SSH2: variants seen among roughly 807,000 people sequenced by gnomAD.
The protein encoded by SSH2 is slingshot protein phosphatase 2.
In SSH2, 37 loss-of-function variants were observed where a neutral mutation model predicts 135.2. That is an observed-to-expected ratio of 0.27 (90% CI 0.21 to 0.36). The LOEUF is 0.36. SSH2 is among the 10% of genes least tolerant of loss of function. The pLI is 1.00. For synonymous variants in SSH2, 628 were observed against 646.2 expected, an observed-to-expected ratio of 0.97 and a Z score of 0.43; for missense variants, 1,408 against 1,765.3, an observed-to-expected ratio of 0.80 and a Z score of 3.63.
intron 2 of SSH2, among the ~76,000 whole-genome samples, chr17:29,831,839 A>C (rs1029629977): frequency 1.3e-5 from 2 of 152,118 alleles, no homozygotes; most frequent in South Asian, 4.2e-4. Flanking sequence ...TCGGCCTCCC[A>C]AAGTGCTGAG....
intron 1 of SSH2, among the ~76,000 whole-genome samples, chr17:29,881,946 C>T (rs989941333): frequency 2.1e-4 from 32 of 152,230 alleles, no homozygotes; most frequent in Admixed American, 2.0e-3. Context: ...AACAAACAAA[C>T]AAACAAACAT....
intron 6 of SSH2, among the ~76,000 whole-genome samples, chr17:29,680,931 G>C (rs900206165): frequency 6.6e-6 from 1 of 152,138 alleles, no homozygotes; most frequent in Non-Finnish European, 1.5e-5. Flanking sequence ...AGCTGCAAAA[G>C]AGTGTGATCT....
At chr17:29,692,159 T>TA (rs2038510602) in intron 5 of SSH2, among the ~76,000 whole-genome samples, 1 of 96,706 alleles carries the variant, frequency 1.0e-5, no homozygotes, top group African/African-American at 4.3e-5. Context: ...AATAAATAAA[T>TA]AAAAAATAAA....
At chr17:29,908,017 T>G (rs889073802) in intron 1 of SSH2, among the ~76,000 whole-genome samples, 2 of 151,928 alleles carry the variant, frequency 1.3e-5, no homozygotes, top group Non-Finnish European at 2.9e-5. Flanking sequence ...GGTCTCACTA[T>G]GTTGCCCAGG....
chr17:29,882,757 T>C (rs1197378699), intron 1 of SSH2, among the ~76,000 whole-genome samples: 2 of 151,894 alleles, frequency 1.3e-5, no homozygotes, highest in Admixed American at 6.6e-5. Context: ...ATCTCAAAAA[T>C]AACAAATAAA....
At chr17:29,712,777 C>T (rs992152224) in intron 3 of SSH2, among the ~76,000 whole-genome samples, 1 of 152,104 alleles carries the variant, frequency 6.6e-6, no homozygotes, top group Admixed American at 6.5e-5. Context: ...GTACTCCAGC[C>T]TGGGTGACAG....
chr17:29,651,917 C>T (rs556147130), intron 12 of SSH2, among the ~76,000 whole-genome samples: 4 of 152,152 alleles, frequency 2.6e-5, no homozygotes, highest in African/African-American at 9.6e-5. Context: ...CCGAGGTGGG[C>T]GGATCACCAG....
intron 1 of SSH2, among the ~76,000 whole-genome samples, chr17:29,914,881 C>T (rs917357440): frequency 6.6e-6 from 1 of 152,150 alleles, no homozygotes; most frequent in African/African-American, 2.4e-5. Flanking sequence ...TACAACTTCT[C>T]ATAAAATAAC....
chr17:29,790,437 A>G (rs2042044066), intron 3 of SSH2, among the ~76,000 whole-genome samples: 1 of 152,210 alleles, frequency 6.6e-6, no homozygotes, highest in Non-Finnish European at 1.5e-5. Flanking sequence ...CAGGACTGTG[A>G]GAAATAAATG....
intron 3 of SSH2, among the ~76,000 whole-genome samples, chr17:29,742,079 C>T (rs985515650): frequency 6.6e-6 from 1 of 151,356 alleles, no homozygotes; most frequent in Non-Finnish European, 1.5e-5. Flanking sequence ...GGATTACAAG[C>T]GTGTGCCACC....
chr17:29,917,546 G>A (rs961202157), intron 1 of SSH2, among the ~76,000 whole-genome samples: 2 of 152,116 alleles, frequency 1.3e-5, no homozygotes, highest in African/African-American at 4.8e-5. Context: ...CTGCTGAACT[G>A]CCTTCATATC....
At chr17:29,887,848 G>A (rs1342878881) in intron 1 of SSH2, among the ~76,000 whole-genome samples, 1 of 152,190 alleles carries the variant, frequency 6.6e-6, no homozygotes, top group Admixed American at 6.5e-5. Context: ...AATTTAATGT[G>A]AAGAAAACAT....
chr17:29,813,399 C>T (rs953839904), intron 2 of SSH2, among the ~76,000 whole-genome samples: 3 of 151,574 alleles, frequency 2.0e-5, no homozygotes, highest in African/African-American at 7.3e-5. Context: ...AGACTAGAAG[C>T]AGATAATTCA....
At chr17:29,901,359 C>G (rs551882921) in intron 1 of SSH2, among the ~76,000 whole-genome samples, 2 of 152,202 alleles carry the variant, frequency 1.3e-5, no homozygotes, top group East Asian at 3.9e-4. Context: ...AATTCAATCA[C>G]TATCAAGATA....
intron 2 of SSH2, among the ~76,000 whole-genome samples, chr17:29,795,276 C>G (rs2042137407): frequency 6.6e-6 from 1 of 152,192 alleles, no homozygotes; most frequent in Admixed American, 6.5e-5. Flanking sequence ...TCTGATAAGA[C>G]TGAAAAAGAA....
At chr17:29,819,206 C>T (rs890949978) in intron 2 of SSH2, among the ~76,000 whole-genome samples, 1 of 152,028 alleles carries the variant, frequency 6.6e-6, no homozygotes, top group African/African-American at 2.4e-5. Flanking sequence ...AAAGCACCAG[C>T]AATTTCATAA....
At chr17:29,874,754 A>G (rs569268527) in intron 1 of SSH2, among the ~76,000 whole-genome samples, 5 of 152,320 alleles carry the variant, frequency 3.3e-5, no homozygotes, top group South Asian at 4.1e-4. Flanking sequence ...TACTTTAATT[A>G]TTTACAAATA....
chr17:29,891,161 C>G (rs1022083356), intron 1 of SSH2, among the ~76,000 whole-genome samples: 1 of 152,182 alleles, frequency 6.6e-6, no homozygotes, highest in Non-Finnish European at 1.5e-5. Context: ...TAAGGACCAG[C>G]CTGGATCAGG....
intron 6 of SSH2, among the ~76,000 whole-genome samples, chr17:29,678,709 A>ATTTT (rs1555610338): frequency 1.9e-5 from 1 of 52,090 alleles, no homozygotes; most frequent in Non-Finnish European, 3.5e-5. Flanking sequence ...TAAAAATACT[A>ATTTT]TTTCTTTTTT....
Sources: gnomAD v4.1 joint callset for allele counts (sites outside exome capture counted in the v4.1 genomes callset) on GRCh38, gnomAD v4.1.1 for gene constraint, MANE v1.5 for transcripts, NCBI Gene and HGNC (gene_info 2026-07-23, HGNC 2026-07-21) for gene names.